CACNA1E: variants seen among roughly 807,000 people sequenced by gnomAD.
CACNA1E encodes voltage-dependent R-type calcium channel subunit alpha-1E.
A neutral mutation model predicts 259.2 loss-of-function variants in CACNA1E; 40 were observed. The observed-to-expected ratio is 0.15, with a 90% confidence interval of 0.12 to 0.20. CACNA1E has a LOEUF of 0.20. Ranked by LOEUF, CACNA1E falls within the 10% of genes least tolerant of loss-of-function variation. The pLI is 1.00. For missense variants in CACNA1E, 1,874 were observed against 3,040.1 expected (o/e 0.62, Z 9.02); for synonymous variants, 1,104 against 1,138.5 (o/e 0.97, Z 0.61).
intron 3 of CACNA1E, among the ~76,000 whole-genome samples, chr1:181,539,387 T>TGAATGAATG (rs1274540644): frequency 6.6e-6 from 1 of 151,820 alleles, no homozygotes; most frequent in Non-Finnish European, 1.5e-5. Context: ...ACAAGCTAAT[T>TGAATGAATG]AATGAATTAA....
chr1:181,610,044 T>A (rs1384845352), intron 6 of CACNA1E, among the ~76,000 whole-genome samples: 1 of 152,164 alleles, frequency 6.6e-6, no homozygotes, highest in African/African-American at 2.4e-5. Context: ...ACAGTATTCA[T>A]TGGATGGTGA....
intron 15 of CACNA1E, 27 bp from the exon 16 acceptor site, chr1:181,721,731 G>C: frequency 6.7e-7 from 1 of 1,484,408 alleles, no homozygotes; most frequent in Non-Finnish European, 9.4e-7. Context: ...CCAGGTTTCT[G>C]ATGCGCCTGT....
intron 25 of CACNA1E, 128 bp from the exon 26 acceptor site, chr1:181,750,348 C>G: frequency 1.3e-6 from 1 of 754,214 alleles, no homozygotes; most frequent in Admixed American, 2.2e-5. Context: ...GCTCTGATTC[C>G]CTATCATTGT....
intron 2 of CACNA1E, among the ~76,000 whole-genome samples, chr1:181,416,771 G>A (rs750665076): frequency 5.9e-5 from 9 of 152,214 alleles, no homozygotes; most frequent in South Asian, 4.2e-4. Flanking sequence ...CAGCTGTGGC[G>A]TGCATGTCAT....
intron 7 of CACNA1E, among the ~76,000 whole-genome samples, chr1:181,678,147 T>C (rs1446146313): frequency 6.6e-6 from 1 of 152,154 alleles, no homozygotes; most frequent in Non-Finnish European, 1.5e-5. Context: ...GAACTCTGAG[T>C]GGCCCCAGCA....
intron 6 of CACNA1E, among the ~76,000 whole-genome samples, chr1:181,601,790 A>G (rs1313499538): frequency 6.6e-6 from 1 of 152,144 alleles, no homozygotes; most frequent in Non-Finnish European, 1.5e-5. Flanking sequence ...CTCTGCACAG[A>G]ACCCTCCAGT....
At position 181,744,739 on chromosome 1, in the gene CACNA1E, G is replaced by A. The variant is rs937168904; in HGVS notation, c.3719+5486G>A. On this transcript the variant is annotated intron_variant, in intron 25 of 47. Transcript: ENST00000367573. ...GAAGCAGTGACTGCACATTAATCTTGGAGGCAAAAAAAGTGGACGAAGTCC... is the reference window on the plus strand; with the variant it reads ...GAAGCAGTGACTGCACATTAATCTTAGAGGCAAAAAAAGTGGACGAAGTCC... Among the ~76,000 whole-genome samples the A allele has an allele frequency of 2.6e-5, 4 of 152,220 alleles. No homozygotes were observed. The East Asian group carries it at 5.8e-4, about 22-fold the overall frequency.
chr1:181,474,088 TTTC>T (rs1274838263), intron 2 of CACNA1E, among the ~76,000 whole-genome samples: 1 of 152,196 alleles, frequency 6.6e-6, no homozygotes, highest in Non-Finnish European at 1.5e-5. Context: ...CATGTCCATT[TTTC>T]TTTTTTTTAC....
At position 181,580,695 on chromosome 1, in the gene CACNA1E, C is replaced by T. The variant is rs762997502; in HGVS notation, c.870C>T (p.Thr290=). 2 of 1,614,016 alleles carry T rather than the reference C, an allele frequency of 1.2e-6. No individual in the cohort carries two copies. Among genetic ancestry groups the T allele is most frequent in the Non-Finnish European group, 8.5e-7 (1 of 1,179,870 alleles). The part of the protein sequence containing the change: ...KDWIGPNDGI[T]QFDNILFAVL... ...GGATCGGCCCCAATGATGGGATCAC[C>T]CAGTTTGATAACATCCTTTTTGCTG... Residue 290 remains threonine (T), a synonymous_variant, in exon 6 of 48, where the codon ACC becomes ACT. Coordinates refer to ENST00000367573, the MANE Select transcript of CACNA1E (RefSeq NM_001205293.3).
intron 6 of CACNA1E, among the ~76,000 whole-genome samples, chr1:181,613,963 A>G (rs2103122974): frequency 6.6e-6 from 1 of 152,230 alleles, no homozygotes; most frequent in Admixed American, 6.5e-5. Flanking sequence ...AAATTATCAA[A>G]CCATCCTTTG....
chr1:181,425,159 T>C (rs905949005), intron 2 of CACNA1E, among the ~76,000 whole-genome samples: 2 of 152,192 alleles, frequency 1.3e-5, no homozygotes, highest in Admixed American at 6.5e-5. Context: ...GCAGTCTCAC[T>C]GGGATGCTTT....
chr1:181,459,803 T>C (rs1290458781), intron 2 of CACNA1E, among the ~76,000 whole-genome samples: 1 of 152,200 alleles, frequency 6.6e-6, no homozygotes, highest in Non-Finnish European at 1.5e-5. Flanking sequence ...ACTCACGAGA[T>C]GCACAGGACT....
At chr1:181,537,315 T>C (rs1572138443) in intron 3 of CACNA1E, among the ~76,000 whole-genome samples, 1 of 151,912 alleles carries the variant, frequency 6.6e-6, no homozygotes, top group Non-Finnish European at 1.5e-5. Context: ...GCCAGGCTGG[T>C]CTTGAACTCC....
Position 181,628,669 on chromosome 1 carries a change from G to A in CACNA1E, c.952-22669G>A, listed in dbSNP as rs138298651. Reference sequence around the variant, plus strand: ...TTGTCCTAGAGTGAAATATGGTAGCGAGAGAAAGACAGCCCTGCAACCCCG... The same window carrying A: ...TTGTCCTAGAGTGAAATATGGTAGCAAGAGAAAGACAGCCCTGCAACCCCG... On this transcript the variant is annotated intron_variant, in intron 6 of 47. Transcript: ENST00000367573. Among the ~76,000 whole-genome samples the A allele has an allele frequency of 2.4e-3, 366 of 152,266 alleles. 1 individual carries two copies. Among genetic ancestry groups the A allele is most frequent in the African/African-American group, 8.1e-3 (337 of 41,546 alleles).
At chr1:181,636,009 A>G (rs1657176564) in intron 6 of CACNA1E, among the ~76,000 whole-genome samples, 1 of 152,246 alleles carries the variant, frequency 6.6e-6, no homozygotes, top group Non-Finnish European at 1.5e-5. Flanking sequence ...ATTTAAAAGT[A>G]TACAACCAAC....
At chr1:181,548,533 T>C (rs1341995481) in intron 3 of CACNA1E, among the ~76,000 whole-genome samples, 1 of 152,238 alleles carries the variant, frequency 6.6e-6, no homozygotes, top group Non-Finnish European at 1.5e-5. Flanking sequence ...AGTCTTTCTT[T>C]GTATGGCCCG....
chr1:181,589,491 A>G (rs1174729602), intron 6 of CACNA1E, among the ~76,000 whole-genome samples: 1 of 152,162 alleles, frequency 6.6e-6, no homozygotes, highest in Non-Finnish European at 1.5e-5. Flanking sequence ...CAAACTAAAT[A>G]TAGCGAATAA....
chr1:181,595,675 G>C (rs564712236), intron 6 of CACNA1E, among the ~76,000 whole-genome samples: 8 of 152,122 alleles, frequency 5.3e-5, no homozygotes, highest in Non-Finnish European at 8.8e-5. Context: ...AGAGGCATCC[G>C]TGGCTGGCCA....
chr1:181,697,464 C>G (rs1446568456), intron 7 of CACNA1E, among the ~76,000 whole-genome samples: 1 of 152,196 alleles, frequency 6.6e-6, no homozygotes, highest in Non-Finnish European at 1.5e-5. Flanking sequence ...TCTGGTACAT[C>G]ATAAACACAA....
Sources: allele counts gnomAD v4.1 joint callset (sites outside exome capture counted in the v4.1 genomes callset), GRCh38; gene constraint gnomAD v4.1.1; transcripts MANE v1.5; gene names NCBI Gene and HGNC (gene_info 2026-07-23, HGNC 2026-07-21).